The following CLASP2 variants were observed in gnomAD, a reference collection of about 807,000 sequenced individuals.
CLASP2 encodes cytoplasmic linker associated protein 2.
CLASP2 carries 47 observed loss-of-function variants against 194.4 expected under a neutral mutation model. That is an observed-to-expected ratio of 0.24 (90% CI 0.19 to 0.31). The LOEUF (loss-of-function observed/expected upper bound fraction) is 0.31. CLASP2 is among the 10% of genes least tolerant of loss of function. CLASP2 has a pLI of 1.00. For synonymous variants in CLASP2, 619 were observed against 633.5 expected (o/e 0.98, Z 0.34); for missense variants, 1,445 against 1,823.6 (o/e 0.79, Z 3.78).
At chr3:33,638,687 T>C (rs1027078167) in intron 8 of CLASP2, among the ~76,000 whole-genome samples, 4 of 152,228 alleles carry the variant, frequency 2.6e-5, no homozygotes, top group Admixed American at 1.3e-4. Context: ...ATTGTTTATA[T>C]TCACATGTCC....
chr3:33,708,476 G>C (rs933012114), intron 1 of CLASP2, among the ~76,000 whole-genome samples: 2 of 70,352 alleles, frequency 2.8e-5, no homozygotes, highest in Non-Finnish European at 5.7e-5. Context: ...GTGTGGGTGT[G>C]TGTGTGTGTG....
intron 5 of CLASP2, among the ~76,000 whole-genome samples, chr3:33,685,564 T>C (rs905865210): frequency 4.0e-5 from 6 of 151,822 alleles, no homozygotes; most frequent in African/African-American, 1.5e-4. Flanking sequence ...AAAATGTCCA[T>C]CCACAGATAA....
intron 6 of CLASP2, among the ~76,000 whole-genome samples, chr3:33,680,379 G>T (rs2089605363): frequency 6.6e-6 from 1 of 152,218 alleles, no homozygotes; most frequent in Non-Finnish European, 1.5e-5. Flanking sequence ...GTCAATGTAG[G>T]TTCATCAATT....
rs1559632524 is a variant in CLASP2 at position 33,684,321 on chromosome 3, TGAA to T, written c.644+35_644+37del. ...AAATGAAAACTTTTAAAACTAGTGG[TGAA>T]AAAAAAAAAAAGAACCAAATTTAGC... On this transcript the variant is annotated intron_variant, in intron 6 of 38. Transcript: ENST00000682230. 11 of 1,069,746 alleles carry T rather than the reference TGAA, an allele frequency of 1.0e-5. No homozygotes were observed. The African/African-American group carries it at 1.3e-4, about 13-fold the overall frequency. The allele number at this position is 1,069,746 out of a possible 1,614,324, so 66.3% of individuals were successfully genotyped here. A position where few individuals can be genotyped will look rare whatever the true frequency, so the allele number is the denominator to read the frequency against.
At chr3:33,551,545 C>T in intron 29 of CLASP2, 150 bp from the exon 30 acceptor site, 1 of 711,798 alleles carries the variant, frequency 1.4e-6, no homozygotes, top group Non-Finnish European at 2.2e-6. Context: ...TCTTGCGCTC[C>T]TGGCCTCAAG....
intron 6 of CLASP2, among the ~76,000 whole-genome samples, chr3:33,670,485 T>C (rs976000828): frequency 1.3e-5 from 2 of 152,194 alleles, no homozygotes; most frequent in Admixed American, 6.5e-5. Context: ...TGTAAGAAGC[T>C]TGGAAAGTTG....
intron 28 of CLASP2, among the ~76,000 whole-genome samples, chr3:33,559,676 C>T (rs2061489363): frequency 6.6e-6 from 1 of 152,138 alleles, no homozygotes; most frequent in South Asian, 2.1e-4. Context: ...GGGCGGATCA[C>T]CCGAGGTCAG....
chr3:33,517,469 T>C (rs1278329422), intron 34 of CLASP2, among the ~76,000 whole-genome samples: 1 of 152,226 alleles, frequency 6.6e-6, no homozygotes, highest in Non-Finnish European at 1.5e-5. Flanking sequence ...TTACGTCATC[T>C]TTGTCCCCTC....
chr3:33,516,932 T>C, intron 35 of CLASP2, 49 bp downstream of exon 35: 1 of 1,487,362 alleles, frequency 6.7e-7, no homozygotes, highest in Non-Finnish European at 9.3e-7. Context: ...ACAGGCAATG[T>C]AAAAGAGACA....
chr3:33,659,097 G>T, intron 7 of CLASP2: 1 of 1,498,918 alleles, frequency 6.7e-7, no homozygotes, highest in East Asian at 2.5e-5. Context: ...CAGACACCCG[G>T]AGCACTGTGT....
Position 33,645,353 on chromosome 3 carries a change from C to G in CLASP2, c.716-450G>C, listed in dbSNP as rs752255446. 3.9e-6 allele frequency: 3 copies of G among 764,570 alleles called. No individual in the cohort carries two copies. In the African/African-American group the frequency reaches 5.1e-5, roughly 13 times the overall value. 47.4% of individuals were successfully genotyped at this position (764,570 alleles called of 1,614,324 possible). On this transcript the variant is annotated intron_variant, in intron 7 of 38. Transcript: ENST00000682230. ...TCTTAATTTCCCTCACCCTAGGAGG[C>G]TCCCAATAGTTCACATGGCCAAATA...
intron 6 of CLASP2, among the ~76,000 whole-genome samples, chr3:33,678,711 G>T (rs561416282): frequency 1.9e-4 from 29 of 152,224 alleles, no homozygotes; most frequent in Non-Finnish European, 3.7e-4. Flanking sequence ...TAAATCTAAC[G>T]AAATAAGTGT....
chr3:33,531,653 T>C (rs1490554810), intron 34 of CLASP2, among the ~76,000 whole-genome samples: 1 of 152,180 alleles, frequency 6.6e-6, no homozygotes, highest in Non-Finnish European at 1.5e-5. Flanking sequence ...TGCACACCTG[T>C]AATCCCAGCT....
At chr3:33,717,768 C>G in intron 1 of CLASP2, 40 bp downstream of exon 1, 1 of 1,543,434 alleles carries the variant, frequency 6.5e-7, no homozygotes, top group Non-Finnish European at 8.7e-7. Flanking sequence ...AGGGCTGCCG[C>G]GGAGGGCGTG....
At chr3:33,620,799 T>C (rs116494505) in intron 11 of CLASP2, among the ~76,000 whole-genome samples, 2,949 of 152,298 alleles carry the variant, frequency 0.019, 55 homozygotes, top group African/African-American at 0.045. Flanking sequence ...TGACTGCCTT[T>C]GGTGTTCACC....
chr3:33,713,845 G>A (rs997657513), intron 1 of CLASP2, among the ~76,000 whole-genome samples: 1 of 151,984 alleles, frequency 6.6e-6, no homozygotes, highest in Admixed American at 6.6e-5. Flanking sequence ...ATTTTTTAAC[G>A]TCAACTTACT....
At chr3:33,525,918 G>A (rs1178608849) in intron 34 of CLASP2, among the ~76,000 whole-genome samples, 1 of 152,180 alleles carries the variant, frequency 6.6e-6, no homozygotes, top group African/African-American at 2.4e-5. Context: ...CCCTAAGAAG[G>A]AGCTCCCAGC....
intron 30 of CLASP2, among the ~76,000 whole-genome samples, chr3:33,547,209 T>C (rs1313919483): frequency 3.9e-5 from 6 of 152,194 alleles, no homozygotes; most frequent in African/African-American, 9.7e-5. Context: ...GGGAGATAAC[T>C]GAATCATGGG....
intron 18 of CLASP2, among the ~76,000 whole-genome samples, chr3:33,602,245 C>G (rs972489302): frequency 1.2e-4 from 19 of 152,062 alleles, no homozygotes; most frequent in Non-Finnish European, 2.5e-4. Flanking sequence ...AACTCCTGAC[C>G]TCAGGTGATC....
Sources: allele counts gnomAD v4.1 joint callset (sites outside exome capture counted in the v4.1 genomes callset), GRCh38; gene constraint gnomAD v4.1.1; transcripts MANE v1.5; gene names NCBI Gene and HGNC (gene_info 2026-07-23, HGNC 2026-07-21).